KIAA1217: variants seen among roughly 807,000 people sequenced by gnomAD.
The protein encoded by KIAA1217 is KIAA1217, also known as sickle tail protein homolog.
A neutral mutation model predicts 163.9 loss-of-function variants in KIAA1217; 88 were observed. The ratio of observed to expected loss-of-function variants is 0.54; its 90% CI spans 0.45 to 0.64. The LOEUF (loss-of-function observed/expected upper bound fraction) is 0.64. Among genes scored for constraint, KIAA1217 ranks in the 30% least tolerant of loss-of-function variants. The probability of loss-of-function intolerance (pLI) is 0.00; values close to 1 mark genes in which losing one functional copy is unlikely to be tolerated. For synonymous variants in KIAA1217, 903 were observed against 923.1 expected (o/e 0.98, Z 0.39); for missense variants, 2,372 against 2,475.0 (o/e 0.96, Z 0.88).
intron 5 of KIAA1217, among the ~76,000 whole-genome samples, chr10:24,440,923 T>C (rs372990162): frequency 5.9e-5 from 9 of 152,240 alleles, no homozygotes; most frequent in East Asian, 1.9e-4. Flanking sequence ...GGAATTCAGC[T>C]GCCCTCACCT....
At chr10:23,778,983 A>C (rs1418586998) in intron 1 of KIAA1217, among the ~76,000 whole-genome samples, 1 of 152,174 alleles carries the variant, frequency 6.6e-6, no homozygotes, top group Admixed American at 6.5e-5. Flanking sequence ...TCCAGTTGAT[A>C]AGCTTGGATC....
intron 1 of KIAA1217, among the ~76,000 whole-genome samples, chr10:23,975,923 A>T (rs1782108024): frequency 6.6e-6 from 1 of 152,066 alleles, no homozygotes; most frequent in African/African-American, 2.4e-5. Context: ...CATTTTCTTG[A>T]TGACCTGTCA....
intron 2 of KIAA1217, among the ~76,000 whole-genome samples, chr10:24,300,335 C>T (rs1006637013): frequency 1.3e-5 from 2 of 152,162 alleles, no homozygotes; most frequent in African/African-American, 4.8e-5. Flanking sequence ...GACCACATGG[C>T]CACCTGAGTC....
At chr10:24,004,821 A>G (rs1846919534) in intron 1 of KIAA1217, among the ~76,000 whole-genome samples, 1 of 152,260 alleles carries the variant, frequency 6.6e-6, no homozygotes, top group Non-Finnish European at 1.5e-5. Context: ...GAAGAGCAGA[A>G]AAGATGAATA....
chr10:24,017,912 A>G (rs533608765), intron 2 of KIAA1217, among the ~76,000 whole-genome samples: 20 of 152,268 alleles, frequency 1.3e-4, no homozygotes, highest in Middle Eastern at 3.4e-3. Context: ...TTCAGAGTTC[A>G]TGGAGATAAT....
intron 1 of KIAA1217, among the ~76,000 whole-genome samples, chr10:23,906,588 G>A (rs1190650607): frequency 6.6e-6 from 1 of 152,074 alleles, no homozygotes; most frequent in Non-Finnish European, 1.5e-5. Flanking sequence ...CTGTGTCTAG[G>A]AAAATAGTTC....
chr10:24,269,883 A>G (rs74121638), intron 2 of KIAA1217, among the ~76,000 whole-genome samples: 2,249 of 152,288 alleles, frequency 0.015, 26 homozygotes, highest in South Asian at 0.062. Context: ...CCCGTACTAT[A>G]TACAATGCTA....
intron 2 of KIAA1217, among the ~76,000 whole-genome samples, chr10:24,184,716 T>G (rs1035705681): frequency 6.6e-6 from 1 of 152,212 alleles, no homozygotes; most frequent in African/African-American, 2.4e-5. Context: ...AAAAGCTGGC[T>G]GCAATACTGG....
At chr10:23,912,049 T>C (rs1842454445) in intron 1 of KIAA1217, among the ~76,000 whole-genome samples, 1 of 152,102 alleles carries the variant, frequency 6.6e-6, no homozygotes, top group African/African-American at 2.4e-5. Flanking sequence ...TCCTCTTCCA[T>C]TTAGTGGTTC....
At chr10:24,513,169 A>G in intron 9 of KIAA1217, 90 bp from the exon 10 acceptor site, 2 of 1,228,434 alleles carry the variant, frequency 1.6e-6, no homozygotes, top group Non-Finnish European at 2.3e-6. Context: ...AGGGCTGTCT[A>G]CCCAAAGTGC....
chr10:24,132,175 C>A (rs995596542), intron 2 of KIAA1217, among the ~76,000 whole-genome samples: 2 of 152,178 alleles, frequency 1.3e-5, no homozygotes, highest in Admixed American at 6.5e-5. Flanking sequence ...CAGTGATGTA[C>A]CTCACTTCTG....
chr10:24,251,550 G>C (rs1590231544), intron 2 of KIAA1217, among the ~76,000 whole-genome samples: 1 of 151,944 alleles, frequency 6.6e-6, no homozygotes, highest in South Asian at 2.1e-4. Flanking sequence ...AAAATCAGAT[G>C]ATCAGGAAAC....
chr10:23,939,153 A>G (rs1843653575), intron 1 of KIAA1217, among the ~76,000 whole-genome samples: 1 of 152,240 alleles, frequency 6.6e-6, no homozygotes, highest in Non-Finnish European at 1.5e-5. Flanking sequence ...TAATAACAAA[A>G]TAAAAATCCA....
chr10:24,117,849 T>A (rs1302576438), intron 2 of KIAA1217, among the ~76,000 whole-genome samples: 1 of 152,100 alleles, frequency 6.6e-6, no homozygotes, highest in East Asian at 1.9e-4. Flanking sequence ...AAAAGTGTAC[T>A]TTCATACGGA....
chr10:24,264,322 G>A (rs979915205), intron 2 of KIAA1217, among the ~76,000 whole-genome samples: 3 of 152,162 alleles, frequency 2.0e-5, no homozygotes, highest in Non-Finnish European at 2.9e-5. Context: ...GAGACATGCA[G>A]AGGGACAGAC....
intron 2 of KIAA1217, among the ~76,000 whole-genome samples, chr10:24,102,510 A>G (rs1278009949): frequency 6.6e-6 from 1 of 152,210 alleles, no homozygotes; most frequent in South Asian, 2.1e-4. Flanking sequence ...AAAATCCCTG[A>G]AAGTTATTTC....
At chr10:23,765,503 A>G (rs1834469411) in intron 1 of KIAA1217, among the ~76,000 whole-genome samples, 2 of 152,072 alleles carry the variant, frequency 1.3e-5, no homozygotes, top group East Asian at 1.9e-4. Context: ...CCCCTTTGCC[A>G]TCCCAAAAGT....
At chr10:24,317,319 A>C (rs1590906551) in intron 2 of KIAA1217, among the ~76,000 whole-genome samples, 1 of 152,042 alleles carries the variant, frequency 6.6e-6, no homozygotes, top group African/African-American at 2.4e-5. Context: ...GGGTCCTGCT[A>C]TGTCGCCCAG....
intron 1 of KIAA1217, among the ~76,000 whole-genome samples, chr10:23,961,816 G>A (rs1339444550): frequency 6.6e-6 from 1 of 152,108 alleles, no homozygotes; most frequent in East Asian, 1.9e-4. Flanking sequence ...ATCCTTCTGA[G>A]GGCTGTGAAG....
Sources: gnomAD v4.1 joint callset for allele counts (sites outside exome capture counted in the v4.1 genomes callset) on GRCh38, gnomAD v4.1.1 for gene constraint, MANE v1.5 for transcripts, NCBI Gene and HGNC (gene_info 2026-07-23, HGNC 2026-07-21) for gene names.